The following ZNF2 variants were observed in gnomAD, a reference collection of about 807,000 sequenced individuals.
The protein encoded by ZNF2 is zinc finger protein 2.
ZNF2 carries 12 observed loss-of-function variants against 21.9 expected under a neutral mutation model. The observed-to-expected ratio is 0.55, with a 90% CI of 0.35 to 0.89. The LOEUF (loss-of-function observed/expected upper bound fraction) is 0.89, where lower values mean the gene tolerates loss of function less well. Among genes scored for constraint, ZNF2 ranks in the 40% least tolerant of loss-of-function variants. The probability of loss-of-function intolerance (pLI) is 0.01; values close to 1 mark genes in which losing one functional copy is unlikely to be tolerated. For missense variants in ZNF2, 462 were observed against 544.2 expected (o/e 0.85, Z 1.50); for synonymous variants, 186 against 196.3 (o/e 0.95, Z 0.44).
chr2:95,171,186 T>A (rs990515303), intron 1 of ZNF2, among the ~76,000 whole-genome samples: 3 of 152,158 alleles, frequency 2.0e-5, no homozygotes, highest in Non-Finnish European at 4.4e-5. Flanking sequence ...GTTTTCTTAT[T>A]CAAAGATGTG....
intron 1 of ZNF2, among the ~76,000 whole-genome samples, chr2:95,172,579 A>G (rs1026091371): frequency 1.9e-4 from 29 of 151,518 alleles, no homozygotes; most frequent in African/African-American, 6.8e-4. Context: ...CATAATGTGC[A>G]TGTACAAATA....
At chr2:95,178,993 GT>G (rs368069255) in intron 3 of ZNF2, among the ~76,000 whole-genome samples, 1,949 of 130,430 alleles carry the variant, frequency 0.015, 13 homozygotes, top group Non-Finnish European at 0.023. Context: ...GGTTTTTTTT[GT>G]TTTTTTTTTT....
chr2:95,175,046 T>A (rs1379971365), intron 1 of ZNF2, among the ~76,000 whole-genome samples: 1 of 152,204 alleles, frequency 6.6e-6, no homozygotes, highest in African/African-American at 2.4e-5. Context: ...TATATTTTTT[T>A]ATTTTTATAG....
chr2:95,166,246 T>C (rs1674031666), intron 1 of ZNF2, among the ~76,000 whole-genome samples: 1 of 151,762 alleles, frequency 6.6e-6, no homozygotes, highest in African/African-American at 2.4e-5. Flanking sequence ...TTTAGCTCCC[T>C]GCCCTGGGCC....
In ZNF2 at chr2:95,181,353, C is replaced by G. The variant is rs1487430310; in HGVS notation, c.525C>G (p.Cys175Trp). The G allele has an allele frequency of 2.5e-6, 4 of 1,614,222 alleles. No individual in the cohort carries two copies. The African/African-American group carries it at 5.3e-5, about 22-fold the overall frequency. Residue 175 changes from cysteine (C) to tryptophan (W), a missense_variant, in exon 5 of 5, where the codon TGC (cysteine) becomes TGG (tryptophan). Coordinates refer to ENST00000614034, the MANE Select transcript of ZNF2 (RefSeq NM_021088.4). ...EILTKERHQE[C>W]SDCGKTFFDH... ...TCACTAAAGAGAGACACCAGGAATG[C>G]AGTGACTGTGGGAAGACCTTTTTTG...
chr2:95,166,263 C>A (rs563581221), intron 1 of ZNF2, among the ~76,000 whole-genome samples: 89 of 151,814 alleles, frequency 5.9e-4, no homozygotes, highest in Non-Finnish European at 1.1e-3. Flanking sequence ...GGCCTCCGCA[C>A]GAGTGCTGGA....
chr2:95,184,181 C>G lies in ZNF2; in HGVS notation c.*2075C>G, dbSNP rs941545445. On this transcript the variant is annotated 3_prime_UTR_variant, in exon 5 of 5. Transcript: ENST00000614034. ...ATTACTCTGTTCACCCTAGAGCAGA[C>G]GAACGGCAGGGAAGACTTGATCTGT... The G allele has an allele frequency of 6.6e-6, 1 of 152,158 alleles. No individual in the cohort carries two copies. The highest frequency in any genetic ancestry group is 1.5e-5 in the Non-Finnish European group (1 of 68,052). The allele number at this position is 152,158 out of a possible 1,614,324, so 9.4% of individuals were successfully genotyped here. A position where few individuals can be genotyped will look rare whatever the true frequency, so the allele number is the denominator to read the frequency against.
At chr2:95,169,753 A>G (rs1674211449) in intron 1 of ZNF2, among the ~76,000 whole-genome samples, 1 of 152,196 alleles carries the variant, frequency 6.6e-6, no homozygotes, top group Admixed American at 6.5e-5. Flanking sequence ...CTGTCTCAAA[A>G]AAAACAAACA....
intron 1 of ZNF2, among the ~76,000 whole-genome samples, chr2:95,169,652 A>T (rs1674205122): frequency 6.6e-6 from 1 of 152,144 alleles, no homozygotes; most frequent in African/African-American, 2.4e-5. Context: ...CAGGAGGCTG[A>T]GGCAGGAGAA....
rs12476160 is a variant in ZNF2 at position 95,178,448 on chromosome 2, A to G, written c.160+839A>G. ...AATATTCAGGAGGCATCAAAGGAGC[A>G]TTTGTTACAGGCTTTAGTAGATGGC... is the stretch of plus-strand genomic sequence containing the variant. On this transcript the variant is annotated intron_variant, in intron 3 of 4. Transcript: ENST00000614034. 4.3e-3 allele frequency among the ~76,000 whole-genome samples: 652 copies of G among 152,356 alleles called. 27 individuals are homozygous for G. The highest frequency in any genetic ancestry group is 0.035 in the Admixed American group (542 of 15,304).
Position 95,182,081 on chromosome 2 carries a change from G to A in ZNF2, c.1253G>A (p.Arg418His), listed in dbSNP as rs756795227. 5.0e-6 allele frequency: 8 copies of A among 1,608,868 alleles called. No individual in the cohort carries two copies. The highest frequency in any genetic ancestry group is 4.5e-5 in the East Asian group (2 of 44,758). Residue 418 changes from arginine (R) to histidine (H), a missense_variant, in exon 5 of 5, where the codon CGT (arginine) becomes CAT (histidine). By Grantham distance (29) the Arg-to-His change is conservative. Transcript: ENST00000614034. ...SKSSVIQHQRRYAKQGID is the reference protein window; with the variant it reads ...SKSSVIQHQRHYAKQGID Reference sequence around the variant, plus strand: ...TCTTCTGTTATTCAACATCAACGGCGTTACGCCAAACAGGGAATAGACTGA... The same window carrying A: ...TCTTCTGTTATTCAACATCAACGGCATTACGCCAAACAGGGAATAGACTGA...
chr2:95,172,886 C>T (rs767171691), intron 1 of ZNF2, among the ~76,000 whole-genome samples: 16 of 151,962 alleles, frequency 1.1e-4, no homozygotes, highest in Non-Finnish European at 5.9e-5. Flanking sequence ...ATCCACACGC[C>T]TCGGTCTCCC....
In ZNF2 at chr2:95,172,560, T is replaced by C. The variant is rs1166796394; in HGVS notation, c.-39-3628T>C. Among the ~76,000 whole-genome samples the C allele has an allele frequency of 5.3e-5, 8 of 152,186 alleles. No individual in the cohort carries two copies. The East Asian group carries it at 1.3e-3, about 26-fold the overall frequency. On this transcript the variant is annotated intron_variant, in intron 1 of 4. Transcript: ENST00000614034. ...TTACATTTTATTATGTGTTTTTCCT[T>C]TTTCTATACATAATGTGCATGTACA...
At chr2:95,173,582 A>G (rs569589219) in intron 1 of ZNF2, among the ~76,000 whole-genome samples, 2 of 152,368 alleles carry the variant, frequency 1.3e-5, no homozygotes, top group South Asian at 2.1e-4. Context: ...AATCTGTAAA[A>G]TAGTGCCTAC....
In ZNF2 at chr2:95,183,204, G is replaced by A. The variant is rs566571334; in HGVS notation, c.*1098G>A. 1 of 152,186 alleles carries A rather than the reference G, an allele frequency of 6.6e-6. No individual in the cohort carries two copies. The highest frequency in any genetic ancestry group is 6.6e-5 in the Admixed American group (1 of 15,264). The allele number at this position is 152,186 out of a possible 1,614,324, so 9.4% of individuals were successfully genotyped here. On this transcript the variant is annotated 3_prime_UTR_variant, in exon 5 of 5. Coordinates refer to ENST00000614034, the MANE Select transcript of ZNF2 (RefSeq NM_021088.4). ...CTTAAAACCTGACGGGAACCATTCTGTCTTATTCTATCCTCATTATTTGGA... is the reference window on the plus strand; with the variant it reads ...CTTAAAACCTGACGGGAACCATTCTATCTTATTCTATCCTCATTATTTGGA...
At chr2:95,176,559 T>C (rs1400037611) in intron 2 of ZNF2, among the ~76,000 whole-genome samples, 1 of 152,206 alleles carries the variant, frequency 6.6e-6, no homozygotes, top group Non-Finnish European at 1.5e-5. Context: ...GGGCTGGTTC[T>C]GGTCCTGACA....
In ZNF2 at chr2:95,181,565, T is replaced by C; in HGVS notation, c.737T>C (p.Val246Ala). The change falls in exon 5 of 5, where the codon GTC becomes GCC. Residue 246 changes from valine (V) to alanine (A), a missense_variant. Physicochemically the swap from Val to Ala is moderately conservative, Grantham distance 64. Coordinates refer to ENST00000614034, the MANE Select transcript of ZNF2 (RefSeq NM_021088.4). ...TTCTTTGACCGTTCGTCCCTAACTG[T>C]CCATCAGCGAATTCACACTGGAGAG... ...KAFFDRSSLT[V>A]HQRIHTGEKP... 6.2e-7 allele frequency: 1 copy of C among 1,614,118 alleles called. No individual in the cohort carries two copies. Among genetic ancestry groups the C allele is most frequent in the South Asian group, 1.1e-5 (1 of 91,088 alleles).
At chr2:95,168,124 GAA>G (rs879786532) in intron 1 of ZNF2, among the ~76,000 whole-genome samples, 1 of 136,504 alleles carries the variant, frequency 7.3e-6, no homozygotes, top group African/African-American at 2.7e-5. Context: ...AATGCTGGAA[GAA>G]AAAAAAAAAA....
At chr2:95,173,805 G>T (rs1268793614) in intron 1 of ZNF2, among the ~76,000 whole-genome samples, 1 of 152,162 alleles carries the variant, frequency 6.6e-6, no homozygotes, top group African/African-American at 2.4e-5. Flanking sequence ...GCCTCCCAGG[G>T]TCAACCAATT....
Sources: gnomAD v4.1 joint callset for allele counts (sites outside exome capture counted in the v4.1 genomes callset) on GRCh38, gnomAD v4.1.1 for gene constraint, MANE v1.5 for transcripts, NCBI Gene and HGNC (gene_info 2026-07-23, HGNC 2026-07-21) for gene names.